HACE1: variants seen among roughly 807,000 people sequenced by gnomAD.
HACE1 encodes HECT domain and ankyrin repeat containing E3 ubiquitin protein ligase 1, also known as E3 ubiquitin-protein ligase HACE1.
Under a neutral mutation model 118.4 loss-of-function variants are expected in HACE1, and 73 were observed. The observed-to-expected ratio is 0.62, with a 90% CI of 0.51 to 0.75. The LOEUF (loss-of-function observed/expected upper bound fraction) is 0.75, where lower values mean the gene tolerates loss of function less well. Among genes scored for constraint, HACE1 ranks in the 30% least tolerant of loss-of-function variants. The probability of loss-of-function intolerance (pLI) is 0.00; values close to 1 mark genes in which losing one functional copy is unlikely to be tolerated. For missense variants in HACE1, 749 were observed against 1,102.2 expected (o/e 0.68, Z 4.54); for synonymous variants, 368 against 374.8 (o/e 0.98, Z 0.21).
At position 104,796,964 on chromosome 6, in the gene HACE1, T is replaced by C. The variant is rs1489993856; in HGVS notation, c.679A>G (p.Lys227Glu). The C allele has an allele frequency of 2.5e-6, 4 of 1,601,968 alleles. No homozygotes were observed. Among genetic ancestry groups the C allele is most frequent in the Non-Finnish European group, 2.6e-6 (3 of 1,169,030 alleles). ...AAATCCAGAGGAGTTACTCCATTTT[T>C]ATCTGGCAGATATTTGGCTCCTCGT... is the stretch of plus-strand genomic sequence containing the variant. ...LLRGAKYLPD[K>E]NGVTPLDLCV... Residue 227 changes from lysine (K) to glutamate (E), a missense_variant, in exon 8 of 24, where the codon AAA (lysine) becomes GAA (glutamate). By Grantham distance (56) the Lys-to-Glu change is moderately conservative. Coordinates refer to ENST00000262903, the MANE Select transcript of HACE1 (RefSeq NM_020771.4).
chr6:104,828,968 G>A (rs961924147), intron 6 of HACE1, among the ~76,000 whole-genome samples: 1 of 151,996 alleles, frequency 6.6e-6, no homozygotes, highest in African/African-American at 2.4e-5. Flanking sequence ...GAGATTAGAA[G>A]GCGAATTTCA....
chr6:104,748,717 T>C (rs1249319719), intron 20 of HACE1, among the ~76,000 whole-genome samples: 1 of 152,242 alleles, frequency 6.6e-6, no homozygotes, highest in African/African-American at 2.4e-5. Context: ...TGAAATGCTA[T>C]ACAGCAATTA....
chr6:104,850,479 G>A (rs765395499), intron 3 of HACE1, among the ~76,000 whole-genome samples: 3 of 152,148 alleles, frequency 2.0e-5, no homozygotes, highest in Non-Finnish European at 4.4e-5. Context: ...AAAGAGGATA[G>A]GTACCAATTA....
intron 20 of HACE1, among the ~76,000 whole-genome samples, chr6:104,748,923 G>A (rs1777741275): frequency 6.6e-6 from 1 of 152,072 alleles, no homozygotes; most frequent in Admixed American, 6.6e-5. Flanking sequence ...TGACATATGG[G>A]GTGCTAGAAT....
At chr6:104,835,489 C>T (rs982347312) in intron 5 of HACE1, among the ~76,000 whole-genome samples, 8 of 151,682 alleles carry the variant, frequency 5.3e-5, no homozygotes, top group Non-Finnish European at 1.2e-4. Flanking sequence ...GACGTGCAAA[C>T]TCAAAACAAG....
At chr6:104,809,841 AG>A (rs1318636575) in intron 7 of HACE1, among the ~76,000 whole-genome samples, 1 of 151,970 alleles carries the variant, frequency 6.6e-6, no homozygotes, top group Admixed American at 6.6e-5. Flanking sequence ...TAGAATTTAC[AG>A]AACTTACTAA....
chr6:104,758,089 G>A (rs1778917080), intron 19 of HACE1, among the ~76,000 whole-genome samples: 1 of 152,216 alleles, frequency 6.6e-6, no homozygotes, highest in South Asian at 2.1e-4. Flanking sequence ...GCCTGAGAGT[G>A]ACGGGGAGAA....
At chr6:104,803,061 T>C (rs1428101343) in intron 7 of HACE1, among the ~76,000 whole-genome samples, 1 of 152,124 alleles carries the variant, frequency 6.6e-6, no homozygotes, top group Non-Finnish European at 1.5e-5. Flanking sequence ...AAATACAAAC[T>C]ACCATCAGAG....
intron 7 of HACE1, among the ~76,000 whole-genome samples, chr6:104,800,639 A>G (rs1770226644): frequency 6.6e-6 from 1 of 152,212 alleles, no homozygotes; most frequent in Non-Finnish European, 1.5e-5. Flanking sequence ...CCTGACTGTT[A>G]GAAGGAAAAC....
intron 17 of HACE1, among the ~76,000 whole-genome samples, chr6:104,774,485 A>G (rs1022310823): frequency 1.3e-4 from 20 of 151,962 alleles, no homozygotes; most frequent in Non-Finnish European, 1.3e-4. Context: ...CCTGGGTTCA[A>G]GAGATTCTCC....
intron 19 of HACE1, among the ~76,000 whole-genome samples, chr6:104,765,875 T>G (rs1779950893): frequency 6.6e-6 from 1 of 152,198 alleles, no homozygotes; most frequent in Non-Finnish European, 1.5e-5. Flanking sequence ...GTTTATTCTT[T>G]TGTTTCTTCA....
At chr6:104,780,194 C>A (rs972708124) in intron 14 of HACE1, among the ~76,000 whole-genome samples, 3 of 151,792 alleles carry the variant, frequency 2.0e-5, no homozygotes, top group African/African-American at 7.3e-5. Context: ...AAATGTGAAC[C>A]AAGAAATAAA....
intron 7 of HACE1, among the ~76,000 whole-genome samples, chr6:104,804,961 T>C (rs1467497620): frequency 6.6e-6 from 1 of 152,248 alleles, no homozygotes; most frequent in Non-Finnish European, 1.5e-5. Flanking sequence ...TCTACTCATC[T>C]GACAAAGGGC....
intron 6 of HACE1, among the ~76,000 whole-genome samples, chr6:104,831,965 GAA>G (rs1773966286): frequency 1.2e-5 from 1 of 85,902 alleles, no homozygotes; most frequent in Admixed American, 1.1e-4. Context: ...GAAGAGAAGA[GAA>G]GAGAAGAGAA....
intron 19 of HACE1, among the ~76,000 whole-genome samples, chr6:104,758,727 A>G (rs1029292613): frequency 6.6e-6 from 1 of 152,222 alleles, no homozygotes; most frequent in Non-Finnish European, 1.5e-5. Flanking sequence ...AATGGGCTAA[A>G]TGACCCAATT....
rs140136491 is a variant in HACE1 at position 104,772,027 on chromosome 6, A to G, written c.1912T>C (p.Leu638=). The part of the protein sequence containing the change: ...NSNSYVNPDH[L]NYFRFAGQIL... The stretch of plus-strand genomic sequence containing the variant: ...TGCCCAGCAAACCGAAAATAGTTCA[A>G]GTGATCAGGATTTACATAAGAGTTG... The change falls in exon 18 of 24, where the codon TTG becomes CTG. Residue 638 remains leucine (L), a synonymous_variant. Coordinates refer to ENST00000262903, the MANE Select transcript of HACE1 (RefSeq NM_020771.4). The G allele has an allele frequency of 2.0e-5, 32 of 1,608,360 alleles. No individual in the cohort carries two copies. In the African/African-American group the frequency reaches 4.0e-4, roughly 20 times the overall value.
rs1774901724 is a variant in HACE1 at position 104,728,769 on chromosome 6, A to G, written c.*893T>C. ...TCAAAAACCCACCAACATCCAAGTG[A>G]TATTAGGCACATATCACTTGAACTT... On this transcript the variant is annotated 3_prime_UTR_variant, in exon 24 of 24. Transcript: ENST00000262903. The G allele has an allele frequency of 6.6e-6, 1 of 152,188 alleles. No homozygotes were observed. The highest frequency in any genetic ancestry group is 2.4e-5 in the African/African-American group (1 of 41,458). The allele number at this position is 152,188 out of a possible 1,614,324, so 9.4% of individuals were successfully genotyped here.
chr6:104,772,948 C>A (rs1780802676), intron 17 of HACE1, among the ~76,000 whole-genome samples: 1 of 151,766 alleles, frequency 6.6e-6, no homozygotes, highest in African/African-American at 2.4e-5. Context: ...GGTTGCACAA[C>A]ACTGTGAATG....
intron 17 of HACE1, among the ~76,000 whole-genome samples, chr6:104,774,890 G>T (rs970715076): frequency 2.6e-5 from 4 of 152,104 alleles, no homozygotes; most frequent in Non-Finnish European, 5.9e-5. Flanking sequence ...TAGATATCGG[G>T]TCTACCCAAA....
Sources: allele counts gnomAD v4.1 joint callset (sites outside exome capture counted in the v4.1 genomes callset), GRCh38; gene constraint gnomAD v4.1.1; transcripts MANE v1.5; gene names NCBI Gene and HGNC (gene_info 2026-07-23, HGNC 2026-07-21).